Variants in NUP214 observed in about 807,000 individuals in gnomAD.
NUP214 encodes nuclear pore complex protein Nup214.
In NUP214, 79 loss-of-function variants were observed where a neutral mutation model predicts 196.2. That is an observed-to-expected ratio of 0.40 (90% confidence interval 0.34 to 0.49). The LOEUF (loss-of-function observed/expected upper bound fraction) is 0.49. Among genes scored for constraint, NUP214 ranks in the 20% least tolerant of loss-of-function variants. The pLI, the probability that NUP214 is intolerant of heterozygous loss-of-function variation, is 0.58. For missense variants in NUP214, 2,468 were observed against 2,539.0 expected (o/e 0.97, Z 0.60); for synonymous variants, 1,020 against 990.5 (o/e 1.03, Z -0.56).
At chr9:131,134,870 AT>A (rs765326249) in intron 7 of NUP214, 27 bp from the exon 8 acceptor site, 3 of 1,511,020 alleles carry the variant, frequency 2.0e-6, no homozygotes, top group Admixed American at 1.8e-5. Flanking sequence ...GCACATGAGA[AT>A]TTTTTTTCTT....
rs145996566 is a variant in NUP214 at position 131,190,243 on chromosome 9, A to C, written c.3574+1112A>C. On this transcript the variant is annotated intron_variant, in intron 26 of 35. Transcript: ENST00000359428. Reference sequence around the variant, plus strand: ...GAAAATTATATAGTAGAACTGTCAAAGACTTGAGTATTTTACAAAAAGGTT... The same window carrying C: ...GAAAATTATATAGTAGAACTGTCAACGACTTGAGTATTTTACAAAAAGGTT... 4.1e-3 allele frequency: 1,948 copies of C among 479,778 alleles called. 12 individuals carry two copies. The highest frequency in any genetic ancestry group is 6.8e-3 in the Admixed American group (166 of 24,382). 29.7% of individuals were successfully genotyped at this position (479,778 alleles called of 1,614,324 possible).
chr9:131,214,414 A>T (rs1327734904), intron 30 of NUP214, among the ~76,000 whole-genome samples: 1 of 152,180 alleles, frequency 6.6e-6, no homozygotes, highest in Non-Finnish European at 1.5e-5. Context: ...ACAGGAGAGG[A>T]TCCATAGCAC....
Position 131,147,493 on chromosome 9 carries a change from G to A in NUP214, c.1949G>A (p.Arg650Gln), listed in dbSNP as rs201962628. 2.2e-5 allele frequency: 36 copies of A among 1,608,680 alleles called. No individual in the cohort carries two copies. The South Asian group carries it at 2.7e-4, about 12-fold the overall frequency. Residue 650 changes from arginine (R) to glutamine (Q), a missense_variant, in exon 14 of 36, where the codon CGA (arginine) becomes CAA (glutamine). Physicochemically the swap from Arg to Gln is conservative, Grantham distance 43 (BLOSUM62 1). This residue lies in a region of NUP214 where 1,801 missense variants were observed against 1,779.4 expected (regional missense o/e 1.01). Coordinates refer to ENST00000359428, the MANE Select transcript of NUP214 (RefSeq NM_005085.4). ...AACTGACTTCTTTTTCAAGCAGGACGATCTGCTCAGGGCAGTTCAAGCCCA... is the reference window on the plus strand; with the variant it reads ...AACTGACTTCTTTTTCAAGCAGGACAATCTGCTCAGGGCAGTTCAAGCCCA... ...KSSVLPSPSG[R>Q]SAQGSSSPVP...
At chr9:131,130,972 A>C in intron 5 of NUP214, 136 bp downstream of exon 5, 1 of 667,352 alleles carries the variant, frequency 1.5e-6, no homozygotes, top group Admixed American at 2.6e-5. Context: ...GTGAATGAAG[A>C]GTGGAACTCT....
In NUP214 at chr9:131,198,086, C is replaced by T. The variant is rs773715643; in HGVS notation, c.4592C>T (p.Pro1531Leu). 2.5e-6 allele frequency: 4 copies of T among 1,614,174 alleles called. No homozygotes were observed. The highest frequency in any genetic ancestry group is 1.7e-5 in the Admixed American group (1 of 60,012). The change falls in exon 29 of 36, where the codon CCG (proline) becomes CTG (leucine). Residue 1531 changes from proline (P) to leucine (L), a missense_variant. By Grantham distance (98) the Pro-to-Leu change is moderately conservative. Transcript: ENST00000359428. ...QQSAQLPQAP[P>L]QTSDSVKKEP... ...TCAGCCCAGCTTCCCCAGGCTCCTCCGCAAACTTCTGACTCTGTTAAAAAA... is the reference window on the plus strand; with the variant it reads ...TCAGCCCAGCTTCCCCAGGCTCCTCTGCAAACTTCTGACTCTGTTAAAAAA...
chr9:131,193,372 A>G (rs1386529239), intron 27 of NUP214, among the ~76,000 whole-genome samples: 1 of 152,176 alleles, frequency 6.6e-6, no homozygotes, highest in Middle Eastern at 3.2e-3. Flanking sequence ...CTAGGAGCAT[A>G]TTAACCAGTC....
intron 32 of NUP214, among the ~76,000 whole-genome samples, chr9:131,226,075 C>T (rs1330667280): frequency 6.6e-6 from 1 of 152,116 alleles, no homozygotes; most frequent in Non-Finnish European, 1.5e-5. Flanking sequence ...GTTCCAGTCC[C>T]AGCTCTAGCA....
Position 131,159,496 on chromosome 9 carries a change from ATC to A in NUP214, c.2540+15_2540+16del. 6.4e-7 allele frequency: 1 copy of A among 1,571,120 alleles called. No individual in the cohort carries two copies. Among genetic ancestry groups the A allele is most frequent in the East Asian group, 2.2e-5 (1 of 44,652 alleles). On this transcript the variant is annotated intron_variant, in intron 18 of 35. Coordinates refer to ENST00000359428, the MANE Select transcript of NUP214 (RefSeq NM_005085.4). ...AAAAGAAAAAACAAAGGTGAATGAG[ATC>A]TCTCATCTGCAATGTGTTGGAATAG...
intron 24 of NUP214, among the ~76,000 whole-genome samples, chr9:131,180,170 A>G (rs1212868482): frequency 6.6e-6 from 1 of 152,250 alleles, no homozygotes; most frequent in African/African-American, 2.4e-5. Context: ...CAGACAACTT[A>G]AGAAATCTTG....
At chr9:131,214,282 C>G (rs548048748) in intron 30 of NUP214, among the ~76,000 whole-genome samples, 2 of 152,306 alleles carry the variant, frequency 1.3e-5, no homozygotes, top group Admixed American at 6.5e-5. Context: ...AAACACTGAA[C>G]AGCAACCATT....
chr9:131,170,459 A>G (rs1461455570), intron 21 of NUP214, among the ~76,000 whole-genome samples: 2 of 152,314 alleles, frequency 1.3e-5, no homozygotes, highest in East Asian at 3.9e-4. Flanking sequence ...AACTGGGTAC[A>G]TATTTGTATA....
chr9:131,135,841 CAT>C, intron 8 of NUP214, 97 bp from the exon 9 acceptor site: 1 of 822,440 alleles, frequency 1.2e-6, no homozygotes, highest in Non-Finnish European at 2.0e-6. Flanking sequence ...CTCTCTTTGA[CAT>C]GTGGAGGCAG....
chr9:131,206,617 GT>G (rs1486842654), intron 30 of NUP214, among the ~76,000 whole-genome samples: 1 of 151,892 alleles, frequency 6.6e-6, no homozygotes, highest in Non-Finnish European at 1.5e-5. Flanking sequence ...AATTTTTTCA[GT>G]TTTTTGTAGA....
In NUP214 at chr9:131,233,827, C is replaced by G. The variant is rs556536052; in HGVS notation, c.*340C>G. Reference sequence around the variant, plus strand: ...TCTTCAAGGATGGCATCAGAAGTCACCAGCGTCGGGTGTTGATAAACAGCA... The same window carrying G: ...TCTTCAAGGATGGCATCAGAAGTCAGCAGCGTCGGGTGTTGATAAACAGCA... On this transcript the variant is annotated 3_prime_UTR_variant, in exon 36 of 36. Transcript: ENST00000359428. 1 of 414,152 alleles carries G rather than the reference C, an allele frequency of 2.4e-6. No individual in the cohort carries two copies. Among genetic ancestry groups the G allele is most frequent in the South Asian group, 2.4e-5 (1 of 41,920 alleles). 25.7% of individuals were successfully genotyped at this position (414,152 alleles called of 1,614,324 possible).
chr9:131,228,389 G>C (rs1014270930), intron 33 of NUP214, 58 bp downstream of exon 33: 118 of 1,497,400 alleles, frequency 7.9e-5, no homozygotes, highest in Non-Finnish European at 1.0e-4. Context: ...AGCACTAGGG[G>C]CCTGTACTCT....
chr9:131,225,566 A>T (rs1052621375), intron 32 of NUP214, among the ~76,000 whole-genome samples: 1 of 152,264 alleles, frequency 6.6e-6, no homozygotes, highest in African/African-American at 2.4e-5. Flanking sequence ...TTTCAGATAC[A>T]TAAGATGAGT....
chr9:131,149,932 G>T, intron 14 of NUP214: 1 of 159,732 alleles, frequency 6.3e-6, no homozygotes, highest in East Asian at 1.8e-4. Context: ...CTCATAGCTT[G>T]CTTTCTGCTT....
intron 21 of NUP214, among the ~76,000 whole-genome samples, chr9:131,166,886 A>G (rs555310896): frequency 6.6e-6 from 1 of 152,226 alleles, no homozygotes; most frequent in East Asian, 1.9e-4. Flanking sequence ...TGTTTGCCAC[A>G]ATTGTTGCTG....
At chr9:131,129,178 T>G in intron 3 of NUP214, 101 bp from the exon 4 acceptor site, 2 of 963,426 alleles carry the variant, frequency 2.1e-6, no homozygotes, top group Non-Finnish European at 3.1e-6. Flanking sequence ...AATAAACTGA[T>G]TTGAGATACC....
Sources: gnomAD v4.1 joint callset for allele counts (sites outside exome capture counted in the v4.1 genomes callset) on GRCh38, gnomAD v4.1.1 for gene constraint, gnomAD v4.1.1 regional missense constraint, MANE v1.5 for transcripts, NCBI Gene and HGNC (gene_info 2026-07-23, HGNC 2026-07-21) for gene names.